RGS7: variants seen among roughly 807,000 people sequenced by gnomAD.
RGS7 encodes the protein regulator of G protein signaling 7.
Under a neutral mutation model 81.1 loss-of-function variants are expected in RGS7, and 27 were observed. The ratio of observed to expected loss-of-function variants is 0.33; its 90% CI spans 0.25 to 0.46. The LOEUF is 0.46. Ranked by LOEUF, RGS7 falls within the 20% of genes least tolerant of loss-of-function variation. The pLI, the probability that RGS7 is intolerant of heterozygous loss-of-function variation, is 1.00. For missense variants in RGS7, 396 were observed against 607.4 expected (o/e 0.65, Z 3.66); for synonymous variants, 208 against 207.7 (o/e 1.00, Z -0.01).
intron 4 of RGS7, among the ~76,000 whole-genome samples, chr1:240,962,913 G>C (rs980918857): frequency 7.2e-5 from 11 of 152,258 alleles, no homozygotes; most frequent in African/African-American, 2.2e-4. Flanking sequence ...TATCAAAAAG[G>C]GTTTTAAATA....
intron 18 of RGS7, among the ~76,000 whole-genome samples, chr1:240,785,560 CCTTGG>C (rs1467972470): frequency 6.6e-6 from 1 of 152,184 alleles, no homozygotes; most frequent in Non-Finnish European, 1.5e-5. Flanking sequence ...GAGCTGAGCT[CCTTGG>C]CTGCAAATCT....
At position 240,982,739 on chromosome 1, in the gene RGS7, T is replaced by C. The variant is rs117541670; in HGVS notation, c.226+340A>G. On this transcript the variant is annotated intron_variant, in intron 4 of 18. Transcript: ENST00000440928. ...AAGTTAATGAGATGTATGTGTCTTA[T>C]AGAAGGAAAGTTCATTAATTCATAA... is the stretch of plus-strand genomic sequence containing the variant. 3.6e-3 allele frequency among the ~76,000 whole-genome samples: 552 copies of C among 152,320 alleles called. 10 individuals carry two copies. The East Asian group carries it at 0.055, about 15-fold the overall frequency.
chr1:240,907,753 T>C (rs1156697613), intron 6 of RGS7, among the ~76,000 whole-genome samples: 1 of 152,170 alleles, frequency 6.6e-6, no homozygotes, highest in African/African-American at 2.4e-5. Flanking sequence ...CAACGTTCTG[T>C]TTCCCCTCAC....
chr1:241,199,807 A>G (rs1194774175), intron 2 of RGS7, among the ~76,000 whole-genome samples: 1 of 152,196 alleles, frequency 6.6e-6, no homozygotes, highest in Non-Finnish European at 1.5e-5. Flanking sequence ...CAGTGTCAGG[A>G]TATTGATGAA....
intron 2 of RGS7, among the ~76,000 whole-genome samples, chr1:241,181,416 C>T (rs897554552): frequency 3.9e-5 from 6 of 152,138 alleles, no homozygotes; most frequent in African/African-American, 9.7e-5. Context: ...AACAGTACTT[C>T]GGCCATAGAG....
At chr1:240,781,638 T>C (rs796072927) in intron 18 of RGS7, among the ~76,000 whole-genome samples, 14 of 152,206 alleles carry the variant, frequency 9.2e-5, no homozygotes, top group African/African-American at 3.4e-4. Context: ...CTGTGTGTGG[T>C]ATAGATTTAT....
chr1:240,795,874 C>G (rs987297504), intron 18 of RGS7, among the ~76,000 whole-genome samples: 4 of 152,094 alleles, frequency 2.6e-5, no homozygotes, highest in African/African-American at 9.7e-5. Flanking sequence ...GGAGCTGTGT[C>G]TGGGTAGAGA....
intron 2 of RGS7, among the ~76,000 whole-genome samples, chr1:241,155,904 C>T (rs779495980): frequency 5.3e-5 from 8 of 152,024 alleles, no homozygotes; most frequent in Admixed American, 3.9e-4. Context: ...GTCTCTTCTC[C>T]GTAAGCCTCA....
intron 2 of RGS7, among the ~76,000 whole-genome samples, chr1:241,157,507 C>T (rs910732654): frequency 6.6e-6 from 1 of 152,192 alleles, no homozygotes; most frequent in Admixed American, 6.5e-5. Context: ...GTCACCTACA[C>T]TCAAGTAAAA....
intron 3 of RGS7, among the ~76,000 whole-genome samples, chr1:241,081,448 C>G (rs2148896701): frequency 6.6e-6 from 1 of 152,350 alleles, no homozygotes; most frequent in South Asian, 2.1e-4. Flanking sequence ...ACTCCTTAAC[C>G]TGCCAAAACA....
chr1:240,922,137 CA>C (rs1379739265), intron 6 of RGS7, among the ~76,000 whole-genome samples: 2 of 151,816 alleles, frequency 1.3e-5, no homozygotes, highest in Non-Finnish European at 2.9e-5. Context: ...ATCCTATTTT[CA>C]AAAAATGGTG....
chr1:241,179,343 T>C (rs1462730265), intron 2 of RGS7, among the ~76,000 whole-genome samples: 1 of 152,098 alleles, frequency 6.6e-6, no homozygotes, highest in Admixed American at 6.6e-5. Context: ...AAGTGATCCT[T>C]CCGCCTCGGC....
At chr1:241,095,179 C>T (rs1022583899) in intron 3 of RGS7, among the ~76,000 whole-genome samples, 4 of 152,118 alleles carry the variant, frequency 2.6e-5, no homozygotes, top group East Asian at 1.9e-4. Context: ...GCATGCTCCC[C>T]GGAGCTGCCC....
rs377747574 is a variant in RGS7, at chr1:240,992,487, G to C, written c.176-9358C>G. On this transcript the variant is annotated intron_variant, in intron 3 of 18. Coordinates refer to ENST00000440928, the MANE Select transcript of RGS7 (RefSeq NM_001364886.1). Reference sequence around the variant, plus strand: ...CCACTGCACTCCAGCCTGGGCGACAGAGCAAGACTCCGTCTCACAAAATAA... The same window carrying C: ...CCACTGCACTCCAGCCTGGGCGACACAGCAAGACTCCGTCTCACAAAATAA... Among the ~76,000 whole-genome samples the C allele has an allele frequency of 1.1e-4, 17 of 152,142 alleles. 1 individual carries two copies. Among genetic ancestry groups the C allele is most frequent in the Admixed American group, 3.3e-4 (5 of 15,292 alleles).
intron 2 of RGS7, among the ~76,000 whole-genome samples, chr1:241,143,558 T>A (rs1172854791): frequency 6.6e-6 from 1 of 152,110 alleles, no homozygotes; most frequent in African/African-American, 2.4e-5. Context: ...AAGAACAGCA[T>A]GGGAAAGACC....
At chr1:241,084,427 G>T (rs552849306) in intron 3 of RGS7, among the ~76,000 whole-genome samples, 1 of 152,174 alleles carries the variant, frequency 6.6e-6, no homozygotes, top group South Asian at 2.1e-4. Flanking sequence ...AATATAACAG[G>T]TCCTATGTCT....
Position 241,018,676 on chromosome 1 carries a change from T to G in RGS7, c.176-35547A>C, listed in dbSNP as rs1276802194. Among the ~76,000 whole-genome samples the G allele has an allele frequency of 2.6e-5, 4 of 152,148 alleles. No individual in the cohort carries two copies. In the East Asian group the frequency reaches 7.8e-4, roughly 30 times the overall value. On this transcript the variant is annotated intron_variant, in intron 3 of 18. Transcript: ENST00000440928. ...GGAGGTGGGGGGCATTCTATAAACT[T>G]CTGCATAAGTCTCATTTAGTGAGAC...
chr1:241,118,040 C>T (rs555839771), intron 2 of RGS7, among the ~76,000 whole-genome samples: 27 of 152,264 alleles, frequency 1.8e-4, no homozygotes, highest in African/African-American at 6.0e-4. Flanking sequence ...TTAATTGAAA[C>T]AAAAGTTTTA....
chr1:241,119,236 T>C (rs1179905536), intron 2 of RGS7, among the ~76,000 whole-genome samples: 2 of 152,252 alleles, frequency 1.3e-5, no homozygotes, highest in African/African-American at 2.4e-5. Context: ...TGACGTTATT[T>C]TACAGTTTTG....
Sources: allele counts gnomAD v4.1 joint callset (sites outside exome capture counted in the v4.1 genomes callset), GRCh38; gene constraint gnomAD v4.1.1; transcripts MANE v1.5; gene names NCBI Gene and HGNC (gene_info 2026-07-23, HGNC 2026-07-21).